GLS: variants seen among roughly 807,000 people sequenced by gnomAD.
GLS encodes the protein glutaminase kidney isoform, mitochondrial.
In GLS, 36 loss-of-function variants were observed where a neutral mutation model predicts 86.7. The observed-to-expected ratio is 0.42, with a 90% CI of 0.32 to 0.55. The LOEUF (loss-of-function observed/expected upper bound fraction) is 0.55. Ranked by LOEUF, GLS falls within the 20% of genes least tolerant of loss-of-function variation. The pLI, the probability that GLS is intolerant of heterozygous loss-of-function variation, is 0.17. For missense variants in GLS, 528 were observed against 833.4 expected, an observed-to-expected ratio of 0.63 and a Z score of 4.51; for synonymous variants, 317 against 305.9, an observed-to-expected ratio of 1.04 and a Z score of -0.38.
intron 6 of GLS, among the ~76,000 whole-genome samples, chr2:190,907,090 A>G: frequency 6.6e-6 from 1 of 151,544 alleles, no homozygotes; most frequent in Non-Finnish European, 1.5e-5. Flanking sequence ...ACGCCTGGCT[A>G]ATTTTTTGTA....
intron 17 of GLS, among the ~76,000 whole-genome samples, chr2:190,958,439 G>C (rs1213184938): frequency 6.6e-6 from 1 of 151,850 alleles, no homozygotes; most frequent in Non-Finnish European, 1.5e-5. Context: ...TCTGCTCTTA[G>C]TTAATTCCTG....
rs925743614 is a variant in GLS, at chr2:190,930,292, A to G, written c.1426-145A>G. On this transcript the variant is annotated intron_variant, in intron 12 of 17. Transcript: ENST00000320717. The surrounding 1 kb of genome is among the most constrained non-coding windows in gnomAD (Gnocchi z 5.0). ...AGCCTAGCCTCCAACTCCTGGGCTC[A>G]AGTGATCTGCTTGCCTTGGCCTCCC... 1.6e-6 allele frequency: 1 copy of G among 619,276 alleles called. No individual in the cohort carries two copies. Among genetic ancestry groups the G allele is most frequent in the Non-Finnish European group, 2.8e-6 (1 of 351,918 alleles). The allele number at this position is 619,276 out of a possible 1,614,324, so 38.4% of individuals were successfully genotyped here.
At chr2:190,911,595 G>A (rs1234106738) in intron 7 of GLS, among the ~76,000 whole-genome samples, 1 of 152,024 alleles carries the variant, frequency 6.6e-6, no homozygotes, top group Non-Finnish European at 1.5e-5. Context: ...TTTGTAGTGT[G>A]GGATATGCAA....
At chr2:190,927,172 C>G (rs1689924945) in intron 11 of GLS, 134 bp from the exon 12 acceptor site, 2 of 748,104 alleles carry the variant, frequency 2.7e-6, no homozygotes, top group East Asian at 6.3e-5. Flanking sequence ...AGAATGTCCT[C>G]AAGTTTATAT....
intron 5 of GLS, among the ~76,000 whole-genome samples, chr2:190,902,916 A>G (rs545581171): frequency 6.6e-6 from 1 of 152,322 alleles, no homozygotes; most frequent in East Asian, 1.9e-4. Context: ...GTAAGTGAAC[A>G]CAGCTTGAAA....
At chr2:190,903,669 A>G (rs1197578235) in intron 5 of GLS, among the ~76,000 whole-genome samples, 3 of 152,220 alleles carry the variant, frequency 2.0e-5, no homozygotes, top group Admixed American at 6.5e-5. Context: ...TAGAGAATTC[A>G]GAAAGTTGAC....
rs1412295693 is a variant in GLS at position 190,921,601 on chromosome 2, G to A, written c.1130+398G>A. 6.6e-6 allele frequency among the ~76,000 whole-genome samples: 1 copy of A among 151,610 alleles called. No individual in the cohort carries two copies. Among genetic ancestry groups the A allele is most frequent in the African/African-American group, 2.4e-5 (1 of 41,334 alleles). ...TCTTACTTGCTTTTTCTCAATCTCT[G>A]TCTCTTTAGATAGATAAAAAATATG... On this transcript the variant is annotated intron_variant, in intron 9 of 17. Coordinates refer to ENST00000320717, the MANE Select transcript of GLS (RefSeq NM_014905.5). This position sits in a 1 kb window ranked among gnomAD's most constrained non-coding sequence, Gnocchi z 4.2.
chr2:190,880,915 G>GCAC lies in GLS; in HGVS notation c.-168_-167insCCA, dbSNP rs1553572226. The GCAC allele has an allele frequency of 1.9e-5, 17 of 916,934 alleles. No homozygotes were observed. Among genetic ancestry groups the GCAC allele is most frequent in the Non-Finnish European group, 2.6e-5 (16 of 607,618 alleles). 56.8% of individuals were successfully genotyped at this position (916,934 alleles called of 1,614,324 possible). A position where few individuals can be genotyped will look rare whatever the true frequency, so the allele number is the denominator to read the frequency against. On this transcript the variant is annotated 5_prime_UTR_variant, in exon 1 of 18. Transcript: ENST00000320717. Reference sequence around the variant, plus strand: ...AGCAGCAGCAGCAGCAGCAGCAGCAGCAGCACCCGCATCCGCTGCGGGAGT... The same window carrying GCAC: ...AGCAGCAGCAGCAGCAGCAGCAGCAGCACCAGCACCCGCATCCGCTGCGGGAGT...
chr2:190,887,283 A>G (rs1482984896), intron 1 of GLS, among the ~76,000 whole-genome samples: 1 of 152,182 alleles, frequency 6.6e-6, no homozygotes, highest in East Asian at 1.9e-4. Flanking sequence ...TGCTTTGGTT[A>G]TGAAACACAT....
intron 12 of GLS, among the ~76,000 whole-genome samples, chr2:190,928,760 T>G (rs1689989184): frequency 6.6e-6 from 1 of 151,534 alleles, no homozygotes; most frequent in Non-Finnish European, 1.5e-5. Flanking sequence ...TCTCTCTTTT[T>G]TTCTTGTTAT....
chr2:190,962,956 C>T lies in GLS; in HGVS notation c.1980C>T (p.Thr660=), dbSNP rs17853842. Reference sequence around the variant, plus strand: ...CTGACAACGGGAAGGAAAATCAAACCGTCCATAAGAATCTTGATGGATTGT... The same window carrying T: ...CTGACAACGGGAAGGAAAATCAAACTGTCCATAAGAATCTTGATGGATTGT... The part of the protein sequence containing the change: ...GDSDNGKENQ[T]VHKNLDGLL The change falls in exon 18 of 18, where the codon ACC becomes ACT. Residue 660 remains threonine (T), a synonymous_variant. Coordinates refer to ENST00000320717, the MANE Select transcript of GLS (RefSeq NM_014905.5). This position sits in a 1 kb window ranked among gnomAD's most constrained non-coding sequence, Gnocchi z 4.2. 1.4e-5 allele frequency: 22 copies of T among 1,608,522 alleles called. No individual in the cohort carries two copies. Among genetic ancestry groups the T allele is most frequent in the South Asian group, 4.4e-5 (4 of 90,072 alleles).
intron 1 of GLS, among the ~76,000 whole-genome samples, chr2:190,894,511 G>A (rs1206357567): frequency 6.6e-6 from 1 of 152,094 alleles, no homozygotes; most frequent in African/African-American, 2.4e-5. Context: ...GATATTGAAT[G>A]TATTGAGTCA....
At position 190,905,012 on chromosome 2, in the gene GLS, C is replaced by T; in HGVS notation, c.824C>T (p.Thr275Ile). ...AATCTCCTTTTAAATAGGCATTCTA[C>T]TGGAGATACCAAAGTTCCCTTCTGT... is the stretch of plus-strand genomic sequence containing the variant. The part of the protein sequence containing the change: ...VCTVDGQRHS[T>I]GDTKVPFCLQ... Residue 275 changes from threonine to isoleucine, a missense_variant, in exon 6 of 18, where the codon ACT becomes ATT. Thr to Ile is a moderately conservative substitution (Grantham distance 89, BLOSUM62 -1). Coordinates refer to ENST00000320717, the MANE Select transcript of GLS (RefSeq NM_014905.5). This position sits in a 1 kb window ranked among gnomAD's most constrained non-coding sequence, Gnocchi z 4.6. 6.3e-7 allele frequency: 1 copy of T among 1,577,380 alleles called. No individual in the cohort carries two copies. The highest frequency in any genetic ancestry group is 8.7e-7 in the Non-Finnish European group (1 of 1,148,146).
At chr2:190,941,434 C>G (rs927313668) in intron 14 of GLS, among the ~76,000 whole-genome samples, 1 of 151,890 alleles carries the variant, frequency 6.6e-6, no homozygotes. Flanking sequence ...AAGCTTACTG[C>G]CAGGAGGGAA....
chr2:190,904,956 A>AT (rs760726192), intron 5 of GLS, 48 bp from the exon 6 acceptor site: 2 of 1,086,194 alleles, frequency 1.8e-6, no homozygotes, highest in Non-Finnish European at 2.8e-6. Flanking sequence ...ATGCAGTTAC[A>AT]TTTTTTTCCC....
At position 190,943,540 on chromosome 2, in the gene GLS, G is replaced by A. The variant is rs191887161; in HGVS notation, c.1651-10025G>A. On this transcript the variant is annotated intron_variant, in intron 14 of 17. Transcript: ENST00000320717. This position sits in a 1 kb window ranked among gnomAD's most constrained non-coding sequence, Gnocchi z 4.5. ...AGGAGTTTGGAGCATTGAACTGTAT[G>A]AAAGCATAGATAATTTAGTAAGATG... Among the ~76,000 whole-genome samples the A allele has an allele frequency of 1.9e-3, 289 of 152,266 alleles. 4 individuals carry two copies. The highest frequency in any genetic ancestry group is 6.6e-3 in the African/African-American group (276 of 41,552).
intron 14 of GLS, among the ~76,000 whole-genome samples, chr2:190,932,222 A>C (rs1217098741): frequency 6.6e-6 from 1 of 151,876 alleles, no homozygotes; most frequent in Non-Finnish European, 1.5e-5. Context: ...TTACGAGTTT[A>C]TTTGGCTTCA....
Position 190,902,041 on chromosome 2 carries a change from A to G in GLS, c.815+15A>G, listed in dbSNP as rs1436748304. 2.7e-6 allele frequency: 4 copies of G among 1,494,746 alleles called. No homozygotes were observed. The South Asian group carries it at 3.4e-5, about 13-fold the overall frequency. 92.6% of individuals were successfully genotyped at this position (1,494,746 alleles called of 1,614,324 possible). On this transcript the variant is annotated intron_variant, in intron 5 of 17. Transcript: ENST00000320717. ...GATGGACAGAGGTAAGTTTATTTCA[A>G]ATTCATGAAAACCAACTCTAAGCCT...
Position 190,938,388 on chromosome 2 carries a change from A to G in GLS, c.1650+6751A>G, listed in dbSNP as rs183276882. 1.3e-3 allele frequency among the ~76,000 whole-genome samples: 197 copies of G among 151,750 alleles called. No individual in the cohort carries two copies. Among genetic ancestry groups the G allele is most frequent in the African/African-American group, 3.9e-3 (162 of 41,560 alleles). On this transcript the variant is annotated intron_variant, in intron 14 of 17. Transcript: ENST00000320717. The surrounding 1 kb of genome is among the most constrained non-coding windows in gnomAD (Gnocchi z 4.1). ...TCCTCTGCACAGCAATTATATTTGGAATCCTGAGCTATAATTAAATTTATA... is the reference window on the plus strand; with the variant it reads ...TCCTCTGCACAGCAATTATATTTGGGATCCTGAGCTATAATTAAATTTATA...
Sources: gnomAD v4.1 joint callset for allele counts (sites outside exome capture counted in the v4.1 genomes callset) on GRCh38, gnomAD v4.1.1 for gene constraint, Gnocchi (gnomAD v3.1) non-coding constraint, MANE v1.5 for transcripts, NCBI Gene and HGNC (gene_info 2026-07-23, HGNC 2026-07-21) for gene names.